Variants in ZNF813 observed in about 807,000 individuals in gnomAD.
The protein encoded by ZNF813 is zinc finger protein 813.
In ZNF813, 3 loss-of-function variants were observed where a neutral mutation model predicts 7.2. The ratio of observed to expected loss-of-function variants is 0.42; its 90% confidence interval spans 0.19 to 1.08. The LOEUF is 1.08. Among genes scored for constraint, ZNF813 ranks in the 50% least tolerant of loss-of-function variants. The pLI, the probability that ZNF813 is intolerant of heterozygous loss-of-function variation, is 0.30. For synonymous variants in ZNF813, 227 were observed against 256.3 expected (o/e 0.89, Z 1.09); for missense variants, 714 against 753.3 (o/e 0.95, Z 0.61).
chr19:53,486,282 A>G (rs1568832253), intron 2 of ZNF813, among the ~76,000 whole-genome samples: 1 of 152,132 alleles, frequency 6.6e-6, no homozygotes, highest in Non-Finnish European at 1.5e-5. Flanking sequence ...ACCCGTTTCT[A>G]CTAAAAATAC....
rs2086457557 is a variant in ZNF813 at position 53,490,964 on chromosome 19, A to T, written c.732A>T (p.Lys244Asn). The T allele has an allele frequency of 3.1e-6, 5 of 1,614,076 alleles. No homozygotes were observed. Among genetic ancestry groups the T allele is most frequent in the South Asian group, 1.1e-5 (1 of 91,082 alleles). The change falls in exon 4 of 4, where the codon AAA (lysine) becomes AAT (asparagine). Residue 244 changes from lysine to asparagine, a missense_variant. Lys to Asn is a moderately conservative substitution (Grantham distance 94). Coordinates refer to ENST00000396403, the MANE Select transcript of ZNF813 (RefSeq NM_001004301.4). ...QIIHLGEKQYKCDVCGKVFNR... is the reference protein window; with the variant it reads ...QIIHLGEKQYNCDVCGKVFNR... ...TCCATTTAGGAGAGAAACAATATAAATGTGATGTATGTGGCAAGGTCTTTA... is the reference window on the plus strand; with the variant it reads ...TCCATTTAGGAGAGAAACAATATAATTGTGATGTATGTGGCAAGGTCTTTA...
intron 1 of ZNF813, chr19:53,480,141 G>A (rs187362668): frequency 2.9e-4 from 220 of 760,774 alleles, no homozygotes; most frequent in African/African-American, 2.8e-3. Context: ...CCCTGACTCC[G>A]CCTGAGGCCA....
At chr19:53,487,804 A>AAG (rs1261105031) in intron 3 of ZNF813, among the ~76,000 whole-genome samples, 14 of 151,754 alleles carry the variant, frequency 9.2e-5, no homozygotes, top group Admixed American at 8.5e-4. Flanking sequence ...TCTCAAAAAA[A>AAG]AAAAAAAAAA....
chr19:53,476,812 C>T (rs563145781), intron 1 of ZNF813, among the ~76,000 whole-genome samples: 9 of 152,064 alleles, frequency 5.9e-5, no homozygotes, highest in South Asian at 2.1e-4. Flanking sequence ...TACAGGGGCC[C>T]GCCACCACGC....
At chr19:53,479,451 TGA>T in intron 1 of ZNF813, 1 of 1,536,524 alleles carries the variant, frequency 6.5e-7, no homozygotes, top group Non-Finnish European at 8.9e-7. Flanking sequence ...AGTGAGAAGC[TGA>T]GAGAGAAAGG....
intron 1 of ZNF813, among the ~76,000 whole-genome samples, chr19:53,469,907 A>G (rs2708720): frequency 0.46 from 69,495 of 150,228 alleles, 16,170 homozygotes; most frequent in African/African-American, 0.51. Flanking sequence ...GGGGAGACAG[A>G]AGGATGTTTA....
At chr19:53,475,655 G>A (rs1299645598) in intron 1 of ZNF813, among the ~76,000 whole-genome samples, 2 of 152,218 alleles carry the variant, frequency 1.3e-5, no homozygotes, top group African/African-American at 4.8e-5. Context: ...CTGTCCTAGA[G>A]TTAATTTGCT....
At chr19:53,484,194 A>G (rs1244014211) in intron 2 of ZNF813, among the ~76,000 whole-genome samples, 1 of 152,190 alleles carries the variant, frequency 6.6e-6, no homozygotes, top group Non-Finnish European at 1.5e-5. Flanking sequence ...GCAGCTGCCA[A>G]TGGAAGTCAC....
chr19:53,484,722 G>A (rs562816189), intron 2 of ZNF813, among the ~76,000 whole-genome samples: 4 of 152,016 alleles, frequency 2.6e-5, no homozygotes, highest in South Asian at 4.1e-4. Flanking sequence ...GCGTCACCCC[G>A]CCCAGCTAAT....
chr19:53,484,411 G>A (rs1205202964), intron 2 of ZNF813, among the ~76,000 whole-genome samples: 1 of 152,132 alleles, frequency 6.6e-6, no homozygotes, highest in Non-Finnish European at 1.5e-5. Flanking sequence ...TTAAGAATAG[G>A]AAATCAACCT....
At chr19:53,480,216 A>G (rs768051751) in intron 1 of ZNF813, 12 of 755,842 alleles carry the variant, frequency 1.6e-5, no homozygotes, top group East Asian at 5.0e-5. Flanking sequence ...TTCTCCTCTC[A>G]CCACCCCCTC....
intron 1 of ZNF813, among the ~76,000 whole-genome samples, chr19:53,476,159 C>T (rs1322956096): frequency 6.6e-6 from 1 of 152,098 alleles, no homozygotes; most frequent in Non-Finnish European, 1.5e-5. Context: ...TTTGGGCTTG[C>T]TTTTTTGATA....
Position 53,491,709 on chromosome 19 carries a change from A to G in ZNF813, c.1477A>G (p.Lys493Glu). ...TCATACGGCAATTCATACTGGAGAGAAACCTTACAAGTGTAATGAATGTGG... is the reference window on the plus strand; with the variant it reads ...TCATACGGCAATTCATACTGGAGAGGAACCTTACAAGTGTAATGAATGTGG... ...VIHTAIHTGE[K>E]PYKCNECGKG... The change falls in exon 4 of 4, where the codon AAA becomes GAA. Residue 493 changes from lysine (K) to glutamate (E), a missense_variant. Physicochemically the swap from Lys to Glu is moderately conservative, Grantham distance 56. Around this residue, in one of 3 missense-constraint regions of ZNF813, gnomAD observed 563 missense variants for 554.2 expected, o/e 1.02. Coordinates refer to ENST00000396403, the MANE Select transcript of ZNF813 (RefSeq NM_001004301.4). The G allele has an allele frequency of 6.2e-7, 1 of 1,613,822 alleles. No homozygotes were observed. The highest frequency in any genetic ancestry group is 2.2e-5 in the East Asian group (1 of 44,856).
intron 1 of ZNF813, among the ~76,000 whole-genome samples, chr19:53,482,262 G>A (rs528047307): frequency 6.6e-5 from 10 of 152,260 alleles, no homozygotes; most frequent in Middle Eastern, 3.4e-3. Flanking sequence ...GACCATCTTC[G>A]AGGCCTTTCT....
intron 1 of ZNF813, among the ~76,000 whole-genome samples, chr19:53,475,880 A>G (rs115772966): frequency 9.5e-4 from 145 of 152,326 alleles, no homozygotes; most frequent in African/African-American, 3.1e-3. Context: ...GACCTGAGTT[A>G]AAGCTTCCTT....
In ZNF813 at chr19:53,468,227, C is replaced by CG. The variant is rs1242411211; in HGVS notation, c.-74+438_-74+439insG. 4.8e-5 allele frequency among the ~76,000 whole-genome samples: 6 copies of CG among 125,568 alleles called. 2 individuals are homozygous for CG. Among genetic ancestry groups the CG allele is most frequent in the African/African-American group, 5.8e-5 (2 of 34,660 alleles). 82.4% of individuals were successfully genotyped at this position (125,568 alleles called of 152,430 possible). The stretch of plus-strand genomic sequence containing the variant: ...TCTTAAGGCGCCCTCGCGCCCCCCC[C>CG]CCCCCACCTCCCTCCTCCTGCCGGG... On this transcript the variant is annotated intron_variant, in intron 1 of 3. Transcript: ENST00000396403.
chr19:53,484,673 T>C (rs2147160250), intron 2 of ZNF813, among the ~76,000 whole-genome samples: 1 of 152,346 alleles, frequency 6.6e-6, no homozygotes, highest in Middle Eastern at 3.4e-3. Flanking sequence ...CAAGTGATTC[T>C]CCTGCCTCAG....
Position 53,490,724 on chromosome 19 carries a change from G to A in ZNF813, c.492G>A (p.Val164=). ...FQTQGKIGNQ[V]EKSINDASSI... is the part of the protein sequence containing the mutation. ...CCCAAGGGAAAATTGGTAATCAAGT[G>A]GAGAAGTCTATCAACGATGCTTCCT... is the stretch of plus-strand genomic sequence containing the variant. The change falls in exon 4 of 4, where the codon GTG becomes GTA. Residue 164 remains valine (V), a synonymous_variant. Transcript: ENST00000396403. The A allele has an allele frequency of 5.0e-6, 8 of 1,614,138 alleles. No individual in the cohort carries two copies. The highest frequency in any genetic ancestry group is 6.8e-6 in the Non-Finnish European group (8 of 1,180,024).
intron 1 of ZNF813, among the ~76,000 whole-genome samples, chr19:53,482,179 G>A (rs2086411471): frequency 6.6e-6 from 1 of 152,074 alleles, no homozygotes; most frequent in East Asian, 1.9e-4. Flanking sequence ...ATGGGATGCA[G>A]TACCCCAAAA....
Sources: allele counts gnomAD v4.1 joint callset (sites outside exome capture counted in the v4.1 genomes callset), GRCh38; gene constraint gnomAD v4.1.1; regional missense constraint gnomAD v4.1.1; transcripts MANE v1.5; gene names NCBI Gene and HGNC (gene_info 2026-07-23, HGNC 2026-07-21).